Variants in GALNTL6 observed in about 807,000 individuals in gnomAD.
The protein encoded by GALNTL6 is polypeptide N-acetylgalactosaminyltransferase-like 6.
Under a neutral mutation model 73.7 loss-of-function variants are expected in GALNTL6, and 46 were observed. The ratio of observed to expected loss-of-function variants is 0.62; its 90% CI spans 0.49 to 0.80. The LOEUF (loss-of-function observed/expected upper bound fraction) is 0.80, where lower values mean the gene tolerates loss of function less well. Ranked by LOEUF, GALNTL6 falls within the 30% of genes least tolerant of loss-of-function variation. The probability of loss-of-function intolerance (pLI) is 0.00; values close to 1 mark genes in which losing one functional copy is unlikely to be tolerated. For missense variants in GALNTL6, 604 were observed against 755.0 expected (o/e 0.80, Z 2.34); for synonymous variants, 259 against 263.7 (o/e 0.98, Z 0.17).
At chr4:172,885,487 A>G (rs1411653856) in intron 8 of GALNTL6, among the ~76,000 whole-genome samples, 1 of 152,196 alleles carries the variant, frequency 6.6e-6, no homozygotes, top group African/African-American at 2.4e-5. Context: ...TTCTAAAAGT[A>G]AGATCATGTC....
chr4:172,975,066 A>T (rs1433184577), intron 10 of GALNTL6, among the ~76,000 whole-genome samples: 5 of 152,102 alleles, frequency 3.3e-5, no homozygotes. Context: ...CAAGCAGGGG[A>T]TGGGTGTGTG....
At chr4:173,021,883 C>T (rs1753005114) in intron 12 of GALNTL6, among the ~76,000 whole-genome samples, 1 of 151,850 alleles carries the variant, frequency 6.6e-6, no homozygotes, top group Non-Finnish European at 1.5e-5. Flanking sequence ...ATCCCAGCTA[C>T]TCAGGAGGCT....
intron 5 of GALNTL6, among the ~76,000 whole-genome samples, chr4:172,706,684 C>T (rs144447158): frequency 6.6e-6 from 1 of 152,104 alleles, no homozygotes; most frequent in Non-Finnish European, 1.5e-5. Flanking sequence ...CCCAGATTTG[C>T]CATAACTCTT....
intron 5 of GALNTL6, among the ~76,000 whole-genome samples, chr4:172,382,676 C>G (rs909246482): frequency 6.6e-6 from 1 of 152,026 alleles, no homozygotes; most frequent in Admixed American, 6.6e-5. Context: ...CTTAACAAAA[C>G]GTCATGCAAA....
In GALNTL6 at chr4:172,992,547, C is replaced by T. The variant is rs561358251; in HGVS notation, c.1372-16631C>T. Among the ~76,000 whole-genome samples the T allele has an allele frequency of 3.3e-5, 5 of 152,104 alleles. No homozygotes were observed. The South Asian group carries it at 1.0e-3, about 32-fold the overall frequency. Reference sequence around the variant, plus strand: ...TATTTTTAAAGGCAATTAATTAGAGCTCTTTTATTTATTTTAATAATGAGG... The same window carrying T: ...TATTTTTAAAGGCAATTAATTAGAGTTCTTTTATTTATTTTAATAATGAGG... On this transcript the variant is annotated intron_variant, in intron 10 of 12. Coordinates refer to ENST00000506823, the MANE Select transcript of GALNTL6 (RefSeq NM_001034845.3).
intron 2 of GALNTL6, among the ~76,000 whole-genome samples, chr4:171,968,756 TCA>T (rs1423910725): frequency 6.7e-6 from 1 of 150,364 alleles, no homozygotes; most frequent in Non-Finnish European, 1.5e-5. Flanking sequence ...GTGTCCTCTC[TCA>T]GTCAGTGAAC....
At chr4:172,476,913 C>A (rs1579107832) in intron 5 of GALNTL6, among the ~76,000 whole-genome samples, 1 of 141,562 alleles carries the variant, frequency 7.1e-6, no homozygotes, top group Non-Finnish European at 1.5e-5. Context: ...ATAAATATGG[C>A]TTAAGAGACT....
chr4:172,002,053 A>G (rs917113351), intron 2 of GALNTL6, among the ~76,000 whole-genome samples: 1 of 152,232 alleles, frequency 6.6e-6, no homozygotes, highest in South Asian at 2.1e-4. Flanking sequence ...ACCACCCACC[A>G]CACTCTCCCT....
At chr4:172,353,817 C>T (rs979873283) in intron 5 of GALNTL6, among the ~76,000 whole-genome samples, 6 of 151,824 alleles carry the variant, frequency 4.0e-5, no homozygotes, top group African/African-American at 1.5e-4. Flanking sequence ...ATTAAAAAAT[C>T]CTAGACCCTT....
chr4:171,935,503 C>T (rs1455780207), intron 2 of GALNTL6, among the ~76,000 whole-genome samples: 2 of 152,108 alleles, frequency 1.3e-5, no homozygotes, highest in African/African-American at 2.4e-5. Context: ...GGGTCTCAGT[C>T]TGTTGCCCAG....
At chr4:172,271,572 AT>A (rs1187251295) in intron 3 of GALNTL6, among the ~76,000 whole-genome samples, 1 of 152,156 alleles carries the variant, frequency 6.6e-6, no homozygotes, top group Non-Finnish European at 1.5e-5. Context: ...ACCTATGCAT[AT>A]ATGTGCATTT....
chr4:172,959,277 A>G (rs565079691), intron 10 of GALNTL6, among the ~76,000 whole-genome samples: 29 of 152,204 alleles, frequency 1.9e-4, no homozygotes, highest in African/African-American at 6.3e-4. Context: ...AAAGGTGGCA[A>G]TGAGGTGTGG....
intron 5 of GALNTL6, among the ~76,000 whole-genome samples, chr4:172,779,078 G>C (rs1188407189): frequency 6.6e-6 from 1 of 151,860 alleles, no homozygotes; most frequent in Non-Finnish European, 1.5e-5. Flanking sequence ...GCTCCATAAG[G>C]GCTAATGTTT....
chr4:172,819,737 C>T (rs971319554), intron 7 of GALNTL6, among the ~76,000 whole-genome samples: 6 of 152,124 alleles, frequency 3.9e-5, no homozygotes, highest in Non-Finnish European at 8.8e-5. Flanking sequence ...GATTCAGGCT[C>T]ATAGAGGTTA....
rs772720124 is a variant in GALNTL6, at chr4:172,505,174, G to T, written c.553+156485G>T. Reference sequence around the variant, plus strand: ...TTTCAGAACAGACAATTTCGGAGTGGCAACTGCATATTTCAGTTGTTAATT... The same window carrying T: ...TTTCAGAACAGACAATTTCGGAGTGTCAACTGCATATTTCAGTTGTTAATT... On this transcript the variant is annotated intron_variant, in intron 5 of 12. Coordinates refer to ENST00000506823, the MANE Select transcript of GALNTL6 (RefSeq NM_001034845.3). Among the ~76,000 whole-genome samples the T allele has an allele frequency of 1.3e-4, 7 of 55,184 alleles. 3 individuals are homozygous for T. The highest frequency in any genetic ancestry group is 2.9e-4 in the Non-Finnish European group (7 of 23,872). 36.2% of individuals were successfully genotyped at this position (55,184 alleles called of 152,430 possible). A position where few individuals can be genotyped will look rare whatever the true frequency, so the allele number is the denominator to read the frequency against.
chr4:172,923,820 G>T (rs916765970), intron 8 of GALNTL6, among the ~76,000 whole-genome samples: 1 of 152,096 alleles, frequency 6.6e-6, no homozygotes, highest in African/African-American at 2.4e-5. Flanking sequence ...GGCAAAAAGA[G>T]CTTGTGCAGG....
intron 2 of GALNTL6, among the ~76,000 whole-genome samples, chr4:171,952,799 T>G (rs1157598691): frequency 6.6e-6 from 1 of 152,082 alleles, no homozygotes; most frequent in Non-Finnish European, 1.5e-5. Context: ...TATAATCACT[T>G]TTTTCAAAAT....
intron 2 of GALNTL6, among the ~76,000 whole-genome samples, chr4:171,837,154 T>A (rs1358936443): frequency 6.6e-6 from 1 of 152,220 alleles, no homozygotes; most frequent in South Asian, 2.1e-4. Flanking sequence ...TGTTATAAGT[T>A]CTGTGGTATT....
intron 2 of GALNTL6, among the ~76,000 whole-genome samples, chr4:172,103,565 A>C (rs532638838): frequency 6.6e-6 from 1 of 152,298 alleles, no homozygotes; most frequent in South Asian, 2.1e-4. Flanking sequence ...TATACACACA[A>C]TCTATCTGTA....
Sources: allele counts gnomAD v4.1 joint callset (sites outside exome capture counted in the v4.1 genomes callset), GRCh38; gene constraint gnomAD v4.1.1; transcripts MANE v1.5; gene names NCBI Gene and HGNC (gene_info 2026-07-23, HGNC 2026-07-21).